AKAP6: variants seen among roughly 807,000 people sequenced by gnomAD.
The protein encoded by AKAP6 is A-kinase anchor protein 6.
In AKAP6, 58 loss-of-function variants were observed where a neutral mutation model predicts 188.5. The observed-to-expected ratio is 0.31, with a 90% CI of 0.25 to 0.38. AKAP6 has a LOEUF of 0.38. AKAP6 is among the 10% of genes least tolerant of loss of function. The pLI is 1.00. For synonymous variants in AKAP6, 989 were observed against 998.6 expected (o/e 0.99, Z 0.18); for missense variants, 2,710 against 2,740.0 (o/e 0.99, Z 0.24).
intron 11 of AKAP6, among the ~76,000 whole-genome samples, chr14:32,741,373 C>T (rs551158436): frequency 1.1e-4 from 17 of 152,036 alleles, no homozygotes; most frequent in African/African-American, 3.6e-4. Flanking sequence ...CTTGTCTGAT[C>T]GCTTTAGCTA....
At chr14:32,625,283 A>G (rs757423605) in intron 7 of AKAP6, among the ~76,000 whole-genome samples, 42 of 152,198 alleles carry the variant, frequency 2.8e-4, no homozygotes, top group Middle Eastern at 3.4e-3. Flanking sequence ...ACACATCCAA[A>G]CAGCCACAGC....
chr14:32,517,025 A>T, intron 2 of AKAP6, among the ~76,000 whole-genome samples: 1 of 152,224 alleles, frequency 6.6e-6, no homozygotes, highest in Non-Finnish European at 1.5e-5. Context: ...GGCAACTCTC[A>T]ATAAGGTTAG....
chr14:32,771,007 T>G (rs1034127800), intron 11 of AKAP6, among the ~76,000 whole-genome samples: 3 of 152,204 alleles, frequency 2.0e-5, no homozygotes, highest in African/African-American at 7.2e-5. Context: ...AAGATAGTTA[T>G]AATAATTGTT....
At chr14:32,670,505 G>A (rs1029596113) in intron 7 of AKAP6, among the ~76,000 whole-genome samples, 12 of 152,146 alleles carry the variant, frequency 7.9e-5, no homozygotes, top group Non-Finnish European at 1.8e-4. Context: ...AAAGACAGGT[G>A]CTTAGATATA....
intron 2 of AKAP6, among the ~76,000 whole-genome samples, chr14:32,483,043 A>G (rs1224837134): frequency 6.7e-6 from 1 of 149,228 alleles, no homozygotes; most frequent in Non-Finnish European, 1.5e-5. Context: ...TGTTAGATAT[A>G]ACCAAATTGT....
intron 9 of AKAP6, among the ~76,000 whole-genome samples, chr14:32,726,008 A>G (rs2030853315): frequency 6.6e-6 from 1 of 152,166 alleles, no homozygotes; most frequent in Non-Finnish European, 1.5e-5. Context: ...ATGGGATGAA[A>G]AATATTGACT....
chr14:32,752,195 A>G (rs562383994), intron 11 of AKAP6, among the ~76,000 whole-genome samples: 67 of 152,368 alleles, frequency 4.4e-4, no homozygotes, highest in African/African-American at 1.5e-3. Context: ...GAGAAACACC[A>G]TATGTGCGGA....
chr14:32,625,183 A>C (rs1246994905), intron 7 of AKAP6, among the ~76,000 whole-genome samples: 1 of 152,098 alleles, frequency 6.6e-6, no homozygotes, highest in Non-Finnish European at 1.5e-5. Context: ...TGCTATTTGT[A>C]AACTGCCTAG....
chr14:32,362,504 A>T (rs1383307226), intron 1 of AKAP6, among the ~76,000 whole-genome samples: 1 of 152,176 alleles, frequency 6.6e-6, no homozygotes, highest in Non-Finnish European at 1.5e-5. Context: ...GTTTTCCAGG[A>T]AAAGGTGTGT....
chr14:32,349,502 A>G (rs1887189542), intron 1 of AKAP6, among the ~76,000 whole-genome samples: 1 of 152,226 alleles, frequency 6.6e-6, no homozygotes, highest in Non-Finnish European at 1.5e-5. Context: ...AGAAAGAAAT[A>G]TAGAAAGATC....
At position 32,737,178 on chromosome 14, in the gene AKAP6, A is replaced by T. The variant is rs548300753; in HGVS notation, c.3372+1296A>T. ...CTGATGATTTTTCTTTATGACTTGA[A>T]ACTAGTTCCTTTCTAAAGTTGACCT... On this transcript the variant is annotated intron_variant, in intron 11 of 13. Coordinates refer to ENST00000280979, the MANE Select transcript of AKAP6 (RefSeq NM_004274.5). Among the ~76,000 whole-genome samples, 10 of 152,208 alleles carry T rather than the reference A, an allele frequency of 6.6e-5. 1 individual carries two copies. The South Asian group carries it at 1.9e-3, about 28-fold the overall frequency.
chr14:32,347,522 A>G (rs1380858634), intron 1 of AKAP6, among the ~76,000 whole-genome samples: 7 of 152,228 alleles, frequency 4.6e-5, no homozygotes, highest in African/African-American at 1.7e-4. Flanking sequence ...CATATATCAA[A>G]CCAATTAGAA....
intron 12 of AKAP6, among the ~76,000 whole-genome samples, chr14:32,786,314 T>TTTTTTTTTTTTG (rs1566710334): frequency 1.9e-5 from 2 of 104,830 alleles, no homozygotes; most frequent in African/African-American, 6.9e-5. Context: ...TTTTTTTTTT[T>TTTTTTTTTTTTG]TTTTTTTTTT....
chr14:32,404,564 C>G (rs1889210168), intron 1 of AKAP6, among the ~76,000 whole-genome samples: 1 of 151,080 alleles, frequency 6.6e-6, no homozygotes, highest in Non-Finnish European at 1.5e-5. Flanking sequence ...CTAATATCAA[C>G]TGCTCCATTT....
At chr14:32,675,341 A>T (rs923827587) in intron 7 of AKAP6, among the ~76,000 whole-genome samples, 1 of 152,164 alleles carries the variant, frequency 6.6e-6, no homozygotes, top group Admixed American at 6.5e-5. Flanking sequence ...AAGTATTTTG[A>T]TGGTGCATCT....
chr14:32,465,006 A>C (rs1351720582), intron 2 of AKAP6, among the ~76,000 whole-genome samples: 4 of 152,214 alleles, frequency 2.6e-5, no homozygotes, highest in Non-Finnish European at 4.4e-5. Context: ...CAAAGAGAAT[A>C]AAATACCAAG....
chr14:32,532,222 A>G (rs1369336812), intron 2 of AKAP6, among the ~76,000 whole-genome samples: 5 of 152,074 alleles, frequency 3.3e-5, no homozygotes, highest in Admixed American at 6.5e-5. Flanking sequence ...TTTAATTTAC[A>G]TTTCCATCTT....
intron 11 of AKAP6, among the ~76,000 whole-genome samples, chr14:32,741,592 G>A (rs1038346045): frequency 6.6e-6 from 1 of 151,716 alleles, no homozygotes; most frequent in Admixed American, 6.6e-5. Flanking sequence ...ATTCTATCCA[G>A]TGCTTTTTCA....
intron 4 of AKAP6, among the ~76,000 whole-genome samples, chr14:32,554,937 G>A (rs1350129425): frequency 6.6e-6 from 1 of 152,228 alleles, no homozygotes; most frequent in Non-Finnish European, 1.5e-5. Flanking sequence ...CAGTGATACA[G>A]AATCGATGGA....
Sources: allele counts gnomAD v4.1 joint callset (sites outside exome capture counted in the v4.1 genomes callset), GRCh38; gene constraint gnomAD v4.1.1; transcripts MANE v1.5; gene names NCBI Gene and HGNC (gene_info 2026-07-23, HGNC 2026-07-21).